The following FRMD5 variants were observed in gnomAD, a reference collection of about 807,000 sequenced individuals.
The protein encoded by FRMD5 is FERM domain containing 5, also known as FERM domain-containing protein 5.
A neutral mutation model predicts 69.0 loss-of-function variants in FRMD5; 20 were observed. The ratio of observed to expected loss-of-function variants is 0.29; its 90% CI spans 0.20 to 0.42. The LOEUF (loss-of-function observed/expected upper bound fraction) is 0.42, where lower values mean the gene tolerates loss of function less well. Ranked by LOEUF, FRMD5 falls within the 10% of genes least tolerant of loss-of-function variation. FRMD5 has a pLI of 1.00. For synonymous variants in FRMD5, 271 were observed against 260.1 expected, an observed-to-expected ratio of 1.04 and a Z score of -0.40; for missense variants, 595 against 708.6, an observed-to-expected ratio of 0.84 and a Z score of 1.82.
intron 6 of FRMD5, among the ~76,000 whole-genome samples, chr15:43,903,925 A>C (rs372186419): frequency 4.6e-5 from 7 of 152,296 alleles, no homozygotes; most frequent in African/African-American, 9.6e-5. Context: ...CCTGCCCCCA[A>C]CACCACAGGC....
At position 43,873,237 on chromosome 15, in the gene FRMD5, A is replaced by G. The variant is rs1199942378; in HGVS notation, c.*648T>C. ...AGATGCCCACTCTGCTCAGATTTGA[A>G]AAAACAAAAGGAAAAGAAAATCCAA... On this transcript the variant is annotated 3_prime_UTR_variant, in exon 14 of 14. Transcript: ENST00000417257. 1.9e-6 allele frequency: 3 copies of G among 1,549,632 alleles called. No homozygotes were observed. Among genetic ancestry groups the G allele is most frequent in the Non-Finnish European group, 2.6e-6 (3 of 1,146,766 alleles).
intron 1 of FRMD5, among the ~76,000 whole-genome samples, chr15:43,955,830 G>T (rs1200231037): frequency 1.3e-5 from 2 of 151,274 alleles, no homozygotes; most frequent in Non-Finnish European, 2.9e-5. Flanking sequence ...TTTTTTTAGG[G>T]CATGGTCCTT....
chr15:44,097,639 G>A (rs921368304), intron 1 of FRMD5, among the ~76,000 whole-genome samples: 7 of 152,234 alleles, frequency 4.6e-5, no homozygotes, highest in African/African-American at 1.4e-4. Flanking sequence ...ACACAGAACC[G>A]TCTATCTGTG....
At chr15:44,157,318 G>A (rs139392052) in intron 1 of FRMD5, among the ~76,000 whole-genome samples, 98 of 152,242 alleles carry the variant, frequency 6.4e-4, no homozygotes, top group African/African-American at 2.3e-3. Context: ...CAGTATCAAT[G>A]CAGGCAATAT....
chr15:44,098,560 GA>G, intron 1 of FRMD5, among the ~76,000 whole-genome samples: 1 of 150,084 alleles, frequency 6.7e-6, no homozygotes, highest in East Asian at 1.9e-4. Context: ...GACATAAGCA[GA>G]AAAGCAATCT....
At chr15:44,011,719 G>A (rs1290425692) in intron 1 of FRMD5, among the ~76,000 whole-genome samples, 1 of 152,112 alleles carries the variant, frequency 6.6e-6, no homozygotes, top group African/African-American at 2.4e-5. Context: ...CTTGCATTTA[G>A]GATAAGAAAA....
intron 1 of FRMD5, among the ~76,000 whole-genome samples, chr15:44,108,859 G>A (rs2076757248): frequency 1.3e-5 from 2 of 151,774 alleles, no homozygotes; most frequent in South Asian, 4.2e-4. Context: ...TACTTGGGAG[G>A]CTAAGGTGGG....
chr15:43,888,960 G>A, intron 8 of FRMD5, 88 bp from the exon 9 acceptor site: 1 of 1,131,446 alleles, frequency 8.8e-7, no homozygotes, highest in Non-Finnish European at 1.3e-6. Context: ...ACCCCAACTG[G>A]AAGGGGCTCC....
intron 1 of FRMD5, among the ~76,000 whole-genome samples, chr15:44,132,392 G>T (rs78597709): frequency 0.023 from 3,443 of 152,192 alleles, 145 homozygotes; most frequent in African/African-American, 0.079. Context: ...GAGTTACTGG[G>T]GACAGATAGT....
intron 1 of FRMD5, among the ~76,000 whole-genome samples, chr15:44,017,663 T>C (rs527425967): frequency 6.7e-6 from 1 of 150,216 alleles, no homozygotes; most frequent in East Asian, 2.0e-4. Context: ...CTGGAGTGCA[T>C]GGTGCGATCT....
Position 43,920,668 on chromosome 15 carries a change from T to C in FRMD5, c.208-859A>G, listed in dbSNP as rs78782055. 5.1e-3 allele frequency among the ~76,000 whole-genome samples: 772 copies of C among 152,306 alleles called. 9 individuals carry two copies. In the East Asian group the frequency reaches 0.062, roughly 12 times the overall value. ...ACTGCTATTAATTGGAGTTTGATTA[T>C]CCAGAGGTAGCTTAACATTGCCAGA... On this transcript the variant is annotated intron_variant, in intron 2 of 13. Transcript: ENST00000417257.
chr15:43,952,766 C>G (rs187492991), intron 1 of FRMD5, among the ~76,000 whole-genome samples: 308 of 152,340 alleles, frequency 2.0e-3, no homozygotes, highest in African/African-American at 6.7e-3. Context: ...TCAGAGGCTG[C>G]TGAAGGCAGC....
chr15:44,135,258 A>C (rs976997764), intron 1 of FRMD5, among the ~76,000 whole-genome samples: 2 of 152,202 alleles, frequency 1.3e-5, no homozygotes, highest in Non-Finnish European at 2.9e-5. Flanking sequence ...TGTTTTTCTA[A>C]GTTTTCACAA....
chr15:44,061,670 T>C (rs1358224625), intron 1 of FRMD5, among the ~76,000 whole-genome samples: 1 of 152,208 alleles, frequency 6.6e-6, no homozygotes, highest in Non-Finnish European at 1.5e-5. Flanking sequence ...ATGTTAACTT[T>C]TCAAAAACTA....
At chr15:43,999,313 C>T (rs1484111828) in intron 1 of FRMD5, among the ~76,000 whole-genome samples, 2 of 152,144 alleles carry the variant, frequency 1.3e-5, no homozygotes, top group East Asian at 1.9e-4. Context: ...GGTGATCTGC[C>T]TGCCTTGGCC....
At chr15:43,945,371 T>G (rs2140497238) in intron 1 of FRMD5, among the ~76,000 whole-genome samples, 1 of 152,314 alleles carries the variant, frequency 6.6e-6, no homozygotes, top group African/African-American at 2.4e-5. Flanking sequence ...ATAAAAAATT[T>G]TCCTGAACCC....
At chr15:44,160,555 T>G (rs777399656) in intron 1 of FRMD5, among the ~76,000 whole-genome samples, 7 of 152,250 alleles carry the variant, frequency 4.6e-5, no homozygotes, top group Non-Finnish European at 1.0e-4. Flanking sequence ...ACTGTTTGTA[T>G]ACTGCTTTAT....
chr15:43,876,813 C>T (rs1360308653), intron 13 of FRMD5, among the ~76,000 whole-genome samples: 1 of 152,172 alleles, frequency 6.6e-6, no homozygotes. Context: ...CTAGAATAGG[C>T]TGAAAAGCTC....
intron 1 of FRMD5, among the ~76,000 whole-genome samples, chr15:44,108,820 G>T (rs576069779): frequency 1.3e-5 from 2 of 151,960 alleles, no homozygotes; most frequent in South Asian, 4.2e-4. Context: ...AATTAGCCGG[G>T]CATGGTGGCA....
Sources: allele counts gnomAD v4.1 joint callset (sites outside exome capture counted in the v4.1 genomes callset), GRCh38; gene constraint gnomAD v4.1.1; transcripts MANE v1.5; gene names NCBI Gene and HGNC (gene_info 2026-07-23, HGNC 2026-07-21).